COG6: variants seen among roughly 807,000 people sequenced by gnomAD.
COG6 encodes conserved oligomeric Golgi complex subunit 6.
In COG6, 74 loss-of-function variants were observed where a neutral mutation model predicts 88.8. That is an observed-to-expected ratio of 0.83 (90% CI 0.69 to 1.01). The LOEUF is 1.01. Ranked by LOEUF, COG6 falls within the 50% of genes least tolerant of loss-of-function variation. The pLI, the probability that COG6 is intolerant of heterozygous loss-of-function variation, is 0.00. For synonymous variants in COG6, 286 were observed against 278.7 expected (o/e 1.03, Z -0.26); for missense variants, 800 against 797.9 (o/e 1.00, Z -0.03).
chr13:39,741,038 A>C (rs116215937), intron 18 of COG6, among the ~76,000 whole-genome samples: 1,712 of 152,286 alleles, frequency 0.011, 37 homozygotes, highest in African/African-American at 0.039. Flanking sequence ...CAAAATCCTA[A>C]AGTACAGATT....
chr13:39,777,832 G>C (rs1052856432), intron 18 of COG6, among the ~76,000 whole-genome samples: 10 of 152,210 alleles, frequency 6.6e-5, no homozygotes, highest in Admixed American at 3.3e-4. Flanking sequence ...GGCCAGTGGG[G>C]TTATGTCAAA....
At chr13:39,714,622 C>A (rs117348633) in intron 13 of COG6, among the ~76,000 whole-genome samples, 9,619 of 149,914 alleles carry the variant, frequency 0.064, 404 homozygotes, top group Non-Finnish European at 0.097. Context: ...AAAAAAAAAA[C>A]CATATTGATG....
rs535772623 is a variant in COG6 at position 39,720,345 on chromosome 13, A to G, written c.1584+518A>G. The stretch of plus-strand genomic sequence containing the variant: ...AAAGCAAATGGTTATCACTTAAGAG[A>G]GTATATGATGACTAAAACAAAGCCA... On this transcript the variant is annotated intron_variant, in intron 15 of 18. Coordinates refer to ENST00000455146, the MANE Select transcript of COG6 (RefSeq NM_020751.3). Among the ~76,000 whole-genome samples, 5 of 152,208 alleles carry G rather than the reference A, an allele frequency of 3.3e-5. No homozygotes were observed. In the South Asian group the frequency reaches 1.0e-3, roughly 32 times the overall value.
At chr13:39,656,895 A>C in intron 1 of COG6, 1 of 455,926 alleles carries the variant, frequency 2.2e-6, no homozygotes, top group South Asian at 1.5e-5. Context: ...CTCCAGGTAA[A>C]GTCCTTTGCA....
chr13:39,710,142 C>G (rs1169278855), intron 13 of COG6, among the ~76,000 whole-genome samples: 3 of 152,054 alleles, frequency 2.0e-5, no homozygotes, highest in African/African-American at 7.2e-5. Context: ...TCATATATCT[C>G]TCCATTTACT....
At chr13:39,724,767 A>G (rs377687782) in intron 17 of COG6, among the ~76,000 whole-genome samples, 2 of 151,876 alleles carry the variant, frequency 1.3e-5, no homozygotes, top group South Asian at 2.1e-4. Flanking sequence ...GTGTTCCACT[A>G]TGCTCTGATA....
chr13:39,686,040 A>C (rs1876617664), intron 8 of COG6, among the ~76,000 whole-genome samples: 1 of 152,190 alleles, frequency 6.6e-6, no homozygotes, highest in Admixed American at 6.5e-5. Context: ...TTGGAAATAA[A>C]CCGTCTTTCA....
At chr13:39,775,175 A>G (rs1033877270) in intron 18 of COG6, among the ~76,000 whole-genome samples, 34 of 152,104 alleles carry the variant, frequency 2.2e-4, no homozygotes, top group Admixed American at 6.5e-5. Flanking sequence ...TTCGTTTGTC[A>G]TCTGTTACCT....
chr13:39,740,569 A>G (rs929048582), intron 18 of COG6, among the ~76,000 whole-genome samples: 7 of 152,190 alleles, frequency 4.6e-5, no homozygotes, highest in Non-Finnish European at 8.8e-5. Context: ...ACACTAGACT[A>G]TACTGTATTT....
At chr13:39,683,071 G>A (rs1313629548) in intron 8 of COG6, among the ~76,000 whole-genome samples, 6 of 152,082 alleles carry the variant, frequency 3.9e-5, no homozygotes, top group Non-Finnish European at 7.4e-5. Flanking sequence ...TCAGGTCACA[G>A]AACACAAATG....
chr13:39,743,985 A>G (rs1880196007), intron 18 of COG6, among the ~76,000 whole-genome samples: 1 of 152,216 alleles, frequency 6.6e-6, no homozygotes, highest in Non-Finnish European at 1.5e-5. Context: ...TCATATAAAC[A>G]GAACCAGTGA....
At chr13:39,726,776 C>T (rs1405736100) in intron 17 of COG6, among the ~76,000 whole-genome samples, 1 of 151,910 alleles carries the variant, frequency 6.6e-6, no homozygotes, top group Non-Finnish European at 1.5e-5. Flanking sequence ...CATGCTGTCT[C>T]CTCTCCCTGA....
At chr13:39,758,893 A>C (rs1880928426) in intron 18 of COG6, among the ~76,000 whole-genome samples, 1 of 152,216 alleles carries the variant, frequency 6.6e-6, no homozygotes, top group South Asian at 2.1e-4. Flanking sequence ...ATTCATTTAT[A>C]AAAAGGAATG....
chr13:39,660,774 A>G (rs1239661317), intron 2 of COG6, 36 bp from the exon 3 acceptor site: 5 of 1,269,164 alleles, frequency 3.9e-6, no homozygotes, highest in Admixed American at 3.4e-5. Flanking sequence ...TTCTTGCTGT[A>G]TATATGATGT....
intron 18 of COG6, among the ~76,000 whole-genome samples, chr13:39,728,031 TAGA>T (rs2138094035): frequency 6.6e-6 from 1 of 152,230 alleles, no homozygotes; most frequent in African/African-American, 2.4e-5. Flanking sequence ...ATATAACAAT[TAGA>T]AGAAGCGGAG....
intron 18 of COG6, among the ~76,000 whole-genome samples, chr13:39,742,720 C>A (rs1880115806): frequency 1.3e-5 from 2 of 152,092 alleles, no homozygotes; most frequent in African/African-American, 2.4e-5. Context: ...ACAAGGATAT[C>A]CAGGACTTGA....
At chr13:39,734,029 G>A (rs1879601222) in intron 18 of COG6, among the ~76,000 whole-genome samples, 1 of 151,998 alleles carries the variant, frequency 6.6e-6, no homozygotes, top group Non-Finnish European at 1.5e-5. Context: ...TCTAGCTAAA[G>A]GTTTGTCAAT....
chr13:39,659,648 G>C, intron 2 of COG6, 141 bp downstream of exon 2: 1 of 658,926 alleles, frequency 1.5e-6, no homozygotes, highest in Non-Finnish European at 2.6e-6. Context: ...AATTTCTCTT[G>C]CTGCATCTAG....
chr13:39,724,494 T>C lies in COG6; in HGVS notation c.1693-14T>C, dbSNP rs778104293. The C allele has an allele frequency of 6.5e-7, 1 of 1,538,404 alleles. No homozygotes were observed. The highest frequency in any genetic ancestry group is 8.8e-7 in the Non-Finnish European group (1 of 1,135,400). ...ACATCTTGGATCTGCTTTTTTTTTT[T>C]TTTTTTTAAATAGGGCTCTTTAGCT... On this transcript the variant is annotated splice_polypyrimidine_tract_variant and intron_variant, in intron 16 of 18. Coordinates refer to ENST00000455146, the MANE Select transcript of COG6 (RefSeq NM_020751.3).
Sources: gnomAD v4.1 joint callset for allele counts (sites outside exome capture counted in the v4.1 genomes callset) on GRCh38, gnomAD v4.1.1 for gene constraint, MANE v1.5 for transcripts, NCBI Gene and HGNC (gene_info 2026-07-23, HGNC 2026-07-21) for gene names.